SLC12A6: variants seen among roughly 807,000 people sequenced by gnomAD.
SLC12A6 encodes the protein solute carrier family 12 member 6.
SLC12A6 carries 66 observed loss-of-function variants against 135.3 expected under a neutral mutation model. The observed-to-expected ratio is 0.49, with a 90% CI of 0.40 to 0.60. The LOEUF is 0.60. SLC12A6 is among the 20% of genes least tolerant of loss of function. The pLI is 0.00. For missense variants in SLC12A6, 1,058 were observed against 1,452.3 expected, an observed-to-expected ratio of 0.73 and a Z score of 4.41; for synonymous variants, 513 against 508.8, an observed-to-expected ratio of 1.01 and a Z score of -0.11.
intron 2 of SLC12A6, 123 bp downstream of exon 2, chr15:34,336,287 C>A (rs562139665): frequency 2.3e-5 from 19 of 815,316 alleles, no homozygotes; most frequent in South Asian, 7.3e-5. Flanking sequence ...CAAAGAGATG[C>A]CTTGGTTCCT....
chr15:34,278,596 G>C (rs1460574110), intron 2 of SLC12A6, among the ~76,000 whole-genome samples: 2 of 152,038 alleles, frequency 1.3e-5, no homozygotes, highest in Admixed American at 1.3e-4. Flanking sequence ...TTTTGAGATG[G>C]AGTCTTGCTC....
intron 2 of SLC12A6, among the ~76,000 whole-genome samples, chr15:34,323,455 T>A (rs2141144797): frequency 6.6e-6 from 1 of 152,282 alleles, no homozygotes; most frequent in South Asian, 2.1e-4. Context: ...CATTAGATTC[T>A]CATAGGAGCG....
intron 2 of SLC12A6, among the ~76,000 whole-genome samples, chr15:34,322,101 C>T (rs1889130421): frequency 6.6e-6 from 1 of 152,170 alleles, no homozygotes; most frequent in Non-Finnish European, 1.5e-5. Context: ...AAACTCGTGC[C>T]TTTGCCGGGC....
chr15:34,262,821 C>T (rs1388968993), intron 3 of SLC12A6, among the ~76,000 whole-genome samples: 1 of 152,158 alleles, frequency 6.6e-6, no homozygotes, highest in Non-Finnish European at 1.5e-5. Flanking sequence ...CTCGCTCACT[C>T]CCTCACCCCC....
chr15:34,292,864 T>G (rs1895634984), intron 2 of SLC12A6, among the ~76,000 whole-genome samples: 1 of 152,074 alleles, frequency 6.6e-6, no homozygotes, highest in African/African-American at 2.4e-5. Flanking sequence ...GTGAAGACTG[T>G]GGGAAAAGCG....
intron 2 of SLC12A6, among the ~76,000 whole-genome samples, chr15:34,284,333 C>T (rs1356421841): frequency 1.6e-5 from 2 of 128,486 alleles, no homozygotes; most frequent in Non-Finnish European, 3.1e-5. Flanking sequence ...CCTAGGCAGG[C>T]ACCATCTCAG....
At chr15:34,297,890 T>C (rs1895980397) in intron 2 of SLC12A6, among the ~76,000 whole-genome samples, 1 of 152,014 alleles carries the variant, frequency 6.6e-6, no homozygotes, top group Non-Finnish European at 1.5e-5. Context: ...AGTACAAAAA[T>C]GCAAAAAGAA....
intron 2 of SLC12A6, among the ~76,000 whole-genome samples, chr15:34,322,666 G>C (rs60770299): frequency 0.17 from 25,920 of 151,628 alleles, 2,434 homozygotes; most frequent in East Asian, 0.33. Context: ...AGTTTTTCAA[G>C]CTCCTGTATG....
chr15:34,293,941 G>A (rs1339796909), intron 2 of SLC12A6, among the ~76,000 whole-genome samples: 1 of 152,108 alleles, frequency 6.6e-6, no homozygotes, highest in Admixed American at 6.5e-5. Context: ...TTGAAATAGA[G>A]AATCACACAC....
chr15:34,318,180 A>G (rs1370018203), intron 2 of SLC12A6, among the ~76,000 whole-genome samples: 1 of 152,242 alleles, frequency 6.6e-6, no homozygotes, highest in Non-Finnish European at 1.5e-5. Context: ...TAAACTGCTA[A>G]GTTTAAATGT....
chr15:34,239,854 G>A (rs183600141), intron 19 of SLC12A6, among the ~76,000 whole-genome samples: 5 of 152,020 alleles, frequency 3.3e-5, no homozygotes, highest in Admixed American at 3.3e-4. Flanking sequence ...TCAATCCTGT[G>A]TACCTTTTAT....
intron 2 of SLC12A6, among the ~76,000 whole-genome samples, chr15:34,290,154 T>C (rs933973475): frequency 6.6e-6 from 1 of 152,228 alleles, no homozygotes; most frequent in Non-Finnish European, 1.5e-5. Context: ...TTTAAATGTG[T>C]CCCAGAGATT....
chr15:34,301,791 A>G (rs1595532102), intron 2 of SLC12A6, among the ~76,000 whole-genome samples: 1 of 152,200 alleles, frequency 6.6e-6, no homozygotes, highest in African/African-American at 2.4e-5. Context: ...GGAGTTCGAG[A>G]CCAGCCTGCA....
chr15:34,250,820 C>T (rs1193842958), intron 11 of SLC12A6, 79 bp downstream of exon 11: 2 of 1,408,606 alleles, frequency 1.4e-6, no homozygotes, highest in African/African-American at 1.4e-5. Context: ...ATCTAGGAAC[C>T]CTGAGAATTC....
At chr15:34,252,435 TAAAAAAA>T in intron 9 of SLC12A6, 51 bp from the exon 10 acceptor site, 5 of 1,093,370 alleles carry the variant, frequency 4.6e-6, no homozygotes, top group Non-Finnish European at 7.0e-6. Context: ...AAAAGTACAT[TAAAAAAA>T]AAGGAAACAG....
At chr15:34,335,465 A>G (rs1890135489) in intron 2 of SLC12A6, among the ~76,000 whole-genome samples, 1 of 152,250 alleles carries the variant, frequency 6.6e-6, no homozygotes, top group African/African-American at 2.4e-5. Flanking sequence ...CTTGGGTGGA[A>G]TATTATTTTA....
chr15:34,287,950 T>G (rs565184600), intron 2 of SLC12A6, among the ~76,000 whole-genome samples: 2 of 152,222 alleles, frequency 1.3e-5, no homozygotes, highest in African/African-American at 2.4e-5. Flanking sequence ...CTGGTAATAG[T>G]TTCTTTTGCT....
chr15:34,300,794 A>C (rs960291558), intron 2 of SLC12A6, among the ~76,000 whole-genome samples: 1 of 55,592 alleles, frequency 1.8e-5, no homozygotes, highest in Non-Finnish European at 3.1e-5. Context: ...ACTCCGTCTC[A>C]AAAAAAAAAA....
At chr15:34,254,031 G>GC (rs1892574974) in intron 9 of SLC12A6, among the ~76,000 whole-genome samples, 2 of 152,136 alleles carry the variant, frequency 1.3e-5, no homozygotes, top group South Asian at 2.1e-4. Flanking sequence ...TGTCTGCAAA[G>GC]CCCTTTATGA....
Sources: gnomAD v4.1 joint callset for allele counts (sites outside exome capture counted in the v4.1 genomes callset) on GRCh38, gnomAD v4.1.1 for gene constraint, MANE v1.5 for transcripts, NCBI Gene and HGNC (gene_info 2026-07-23, HGNC 2026-07-21) for gene names.